The following DOCK3 variants were observed in gnomAD, a reference collection of about 807,000 sequenced individuals.
DOCK3 encodes the protein dedicator of cytokinesis 3.
Under a neutral mutation model 265.6 loss-of-function variants are expected in DOCK3, and 60 were observed. The ratio of observed to expected loss-of-function variants is 0.23; its 90% CI spans 0.18 to 0.28. The LOEUF (loss-of-function observed/expected upper bound fraction) is 0.28. Ranked by LOEUF, DOCK3 falls within the 10% of genes least tolerant of loss-of-function variation. The probability of loss-of-function intolerance (pLI) is 1.00; values close to 1 mark genes in which losing one functional copy is unlikely to be tolerated. For missense variants in DOCK3, 1,981 were observed against 2,594.3 expected (o/e 0.76, Z 5.14); for synonymous variants, 881 against 938.0 (o/e 0.94, Z 1.11).
chr3:50,738,886 C>T (rs2038820113), intron 1 of DOCK3, among the ~76,000 whole-genome samples: 1 of 152,106 alleles, frequency 6.6e-6, no homozygotes, highest in East Asian at 1.9e-4. Context: ...CATCATATTT[C>T]ATATCTCCGT....
At chr3:51,027,352 G>A (rs998097370) in intron 5 of DOCK3, among the ~76,000 whole-genome samples, 3 of 151,800 alleles carry the variant, frequency 2.0e-5, no homozygotes, top group South Asian at 4.2e-4. Flanking sequence ...AATTTATAGA[G>A]ACTAGCTTTT....
chr3:50,886,412 TTTA>T (rs748070107), intron 3 of DOCK3, among the ~76,000 whole-genome samples: 5 of 151,766 alleles, frequency 3.3e-5, no homozygotes, highest in African/African-American at 7.3e-5. Flanking sequence ...TTTAAAAAAT[TTTA>T]TTATTATTAT....
chr3:50,715,192 T>G (rs2037024127), intron 1 of DOCK3, among the ~76,000 whole-genome samples: 1 of 152,186 alleles, frequency 6.6e-6, no homozygotes, highest in Non-Finnish European at 1.5e-5. Context: ...CATAATTAAC[T>G]TTGCTCGGGT....
intron 1 of DOCK3, among the ~76,000 whole-genome samples, chr3:50,756,121 G>C (rs193060186): frequency 6.6e-6 from 1 of 152,304 alleles, no homozygotes; most frequent in East Asian, 1.9e-4. Context: ...ACCTTGGGGT[G>C]GGCTGTCTGC....
At chr3:51,236,824 A>C (rs2078369019) in intron 20 of DOCK3, among the ~76,000 whole-genome samples, 1 of 152,178 alleles carries the variant, frequency 6.6e-6, no homozygotes, top group Non-Finnish European at 1.5e-5. Flanking sequence ...GTCTCTAGAG[A>C]CCTGTGCAGG....
intron 9 of DOCK3, among the ~76,000 whole-genome samples, chr3:51,097,376 C>G (rs1008365249): frequency 1.3e-5 from 2 of 152,292 alleles, no homozygotes; most frequent in African/African-American, 4.8e-5. Context: ...CCACCCAGTT[C>G]GAACTTCCAG....
chr3:50,803,063 T>A (rs1226431337), intron 2 of DOCK3, among the ~76,000 whole-genome samples: 1 of 150,930 alleles, frequency 6.6e-6, no homozygotes, highest in Non-Finnish European at 1.5e-5. Context: ...TATGTATTTA[T>A]TTATTTATTT....
At chr3:51,108,415 A>G (rs1051520874) in intron 9 of DOCK3, among the ~76,000 whole-genome samples, 7 of 152,214 alleles carry the variant, frequency 4.6e-5, no homozygotes, top group Admixed American at 3.9e-4. Context: ...AGGAAAGACC[A>G]TTGCCAACCA....
intron 12 of DOCK3, among the ~76,000 whole-genome samples, chr3:51,184,348 G>A (rs1327879347): frequency 6.6e-6 from 1 of 151,388 alleles, no homozygotes; most frequent in Non-Finnish European, 1.5e-5. Flanking sequence ...AAAAAACCAG[G>A]GCTCTTTAGA....
At chr3:51,176,490 G>A (rs2086961377) in intron 12 of DOCK3, among the ~76,000 whole-genome samples, 1 of 152,200 alleles carries the variant, frequency 6.6e-6, no homozygotes, top group Non-Finnish European at 1.5e-5. Context: ...GCCAAGCGTG[G>A]TGGCGGGTGC....
intron 51 of DOCK3, 69 bp from the exon 52 acceptor site, chr3:51,380,056 G>T: frequency 6.7e-7 from 1 of 1,489,638 alleles, no homozygotes. Context: ...AGTTGGCCCA[G>T]CAAGATGGTG....
At chr3:51,180,045 CA>C (rs2087191780) in intron 12 of DOCK3, among the ~76,000 whole-genome samples, 1 of 151,660 alleles carries the variant, frequency 6.6e-6, no homozygotes, top group South Asian at 2.1e-4. Flanking sequence ...CCATCTCTAC[CA>C]AAAATACAAA....
intron 4 of DOCK3, among the ~76,000 whole-genome samples, chr3:50,923,340 C>G (rs2050600554): frequency 6.6e-6 from 1 of 152,142 alleles, no homozygotes; most frequent in Non-Finnish European, 1.5e-5. Context: ...TAAGGACACT[C>G]CACGCTATTT....
At chr3:51,095,498 T>C (rs1314602483) in intron 9 of DOCK3, among the ~76,000 whole-genome samples, 1 of 152,086 alleles carries the variant, frequency 6.6e-6, no homozygotes, top group Non-Finnish European at 1.5e-5. Flanking sequence ...ACAGCCCTCC[T>C]TGGGGTATTA....
intron 27 of DOCK3, among the ~76,000 whole-genome samples, chr3:51,299,137 A>G (rs1196503035): frequency 2.0e-5 from 3 of 152,090 alleles, no homozygotes; most frequent in African/African-American, 7.2e-5. Flanking sequence ...ATGCTGTATC[A>G]TTGTGGTTTT....
chr3:50,829,196 A>T (rs964556294), intron 2 of DOCK3, among the ~76,000 whole-genome samples: 2 of 152,062 alleles, frequency 1.3e-5, no homozygotes, highest in East Asian at 3.9e-4. Context: ...TCATTTTTGA[A>T]TGATATTTTT....
At chr3:51,058,023 G>A (rs528405866) in intron 5 of DOCK3, among the ~76,000 whole-genome samples, 21 of 152,232 alleles carry the variant, frequency 1.4e-4, no homozygotes, top group Admixed American at 5.9e-4. Context: ...ACTCAGTTGG[G>A]CATTTTTCAT....
intron 39 of DOCK3, among the ~76,000 whole-genome samples, chr3:51,349,672 C>T (rs932352326): frequency 4.6e-5 from 7 of 152,138 alleles, no homozygotes; most frequent in Non-Finnish European, 1.0e-4. Flanking sequence ...CCAGGTCAGC[C>T]ACAAGTAAAA....
chr3:50,930,210 A>G (rs949683422), intron 4 of DOCK3, among the ~76,000 whole-genome samples: 2 of 152,246 alleles, frequency 1.3e-5, no homozygotes, highest in African/African-American at 4.8e-5. Context: ...ATTATATTTT[A>G]CTTTGTCTTG....
Sources: gnomAD v4.1 joint callset for allele counts (sites outside exome capture counted in the v4.1 genomes callset) on GRCh38, gnomAD v4.1.1 for gene constraint, MANE v1.5 for transcripts, NCBI Gene and HGNC (gene_info 2026-07-23, HGNC 2026-07-21) for gene names.